Variants in FRMD3 observed in about 807,000 individuals in gnomAD.
FRMD3 encodes the protein FERM domain containing 3.
Under a neutral mutation model 70.2 loss-of-function variants are expected in FRMD3, and 33 were observed. That is an observed-to-expected ratio of 0.47 (90% confidence interval 0.36 to 0.63). The LOEUF (loss-of-function observed/expected upper bound fraction) is 0.63, where lower values mean the gene tolerates loss of function less well. FRMD3 is among the 20% of genes least tolerant of loss of function. The probability of loss-of-function intolerance (pLI) is 0.00; values close to 1 mark genes in which losing one functional copy is unlikely to be tolerated. For missense variants in FRMD3, 632 were observed against 711.4 expected, an observed-to-expected ratio of 0.89 and a Z score of 1.27; for synonymous variants, 279 against 255.9, an observed-to-expected ratio of 1.09 and a Z score of -0.86.
intron 1 of FRMD3, among the ~76,000 whole-genome samples, chr9:83,411,356 A>G (rs1422290516): frequency 1.3e-5 from 2 of 152,210 alleles, no homozygotes; most frequent in Non-Finnish European, 2.9e-5. Context: ...GTCCTTACTG[A>G]TGTGGAGAGA....
intron 2 of FRMD3, among the ~76,000 whole-genome samples, chr9:83,387,661 C>T (rs1825549798): frequency 6.6e-6 from 1 of 152,222 alleles, no homozygotes. Context: ...AACTCAAACA[C>T]TCACTCTACC....
intron 1 of FRMD3, among the ~76,000 whole-genome samples, chr9:83,525,464 T>C (rs909566605): frequency 3.9e-5 from 6 of 152,178 alleles, no homozygotes; most frequent in African/African-American, 7.2e-5. Flanking sequence ...CCACAAGAGG[T>C]ATCTGAGATA....
At chr9:83,373,038 C>A in intron 2 of FRMD3, 83 bp from the exon 3 acceptor site, 2 of 1,139,636 alleles carry the variant, frequency 1.8e-6, no homozygotes, top group Non-Finnish European at 2.6e-6. Context: ...AAAAGGAATT[C>A]CAAAGTACAG....
At chr9:83,419,803 T>G (rs1055977155) in intron 1 of FRMD3, among the ~76,000 whole-genome samples, 3 of 152,210 alleles carry the variant, frequency 2.0e-5, no homozygotes, top group Non-Finnish European at 2.9e-5. Flanking sequence ...TCAACAACCC[T>G]AACTCTATAC....
At chr9:83,553,500 T>G in the FRMD3 span, among the ~76,000 whole-genome samples, 2 of 152,202 alleles carry the variant, frequency 1.3e-5, no homozygotes, top group African/African-American at 4.8e-5. Context: ...GGGGTGCCTA[T>G]GATTCATAAA....
intron 3 of FRMD3, among the ~76,000 whole-genome samples, chr9:83,362,479 G>A (rs1004790118): frequency 1.3e-5 from 2 of 152,140 alleles, no homozygotes; most frequent in South Asian, 4.1e-4. Context: ...TTATGCAGAG[G>A]CTGGGGGTTC....
chr9:83,483,260 T>C (rs1828610504), intron 1 of FRMD3, among the ~76,000 whole-genome samples: 1 of 152,140 alleles, frequency 6.6e-6, no homozygotes, highest in South Asian at 2.1e-4. Flanking sequence ...GTGAAGGTAT[T>C]TGCTTCCCCT....
intron 1 of FRMD3, among the ~76,000 whole-genome samples, chr9:83,423,536 T>C (rs948483024): frequency 1.3e-4 from 19 of 150,582 alleles, no homozygotes; most frequent in African/African-American, 4.6e-4. Flanking sequence ...CATGTAGCTA[T>C]TTAAATTTTA....
At position 83,538,252 on chromosome 9, in the gene FRMD3, G is replaced by T; in HGVS notation, c.-21C>A. 6.5e-7 allele frequency: 1 copy of T among 1,547,444 alleles called. No individual in the cohort carries two copies. The highest frequency in any genetic ancestry group is 8.7e-7 in the Non-Finnish European group (1 of 1,145,696). On this transcript the variant is annotated 5_prime_UTR_variant, in exon 1 of 14. Transcript: ENST00000304195. This position sits in a 1 kb window ranked among gnomAD's most constrained non-coding sequence, Gnocchi z 4.7. ...AACATGCACCGCGGCCGTGGGGAGCGAGCGGGAGGCTCAGGGCCGGCGCGG... is the reference window on the plus strand; with the variant it reads ...AACATGCACCGCGGCCGTGGGGAGCTAGCGGGAGGCTCAGGGCCGGCGCGG...
intron 13 of FRMD3, among the ~76,000 whole-genome samples, chr9:83,283,551 AT>A (rs1285115987): frequency 7.4e-5 from 4 of 54,100 alleles, no homozygotes; most frequent in African/African-American, 2.5e-4. Context: ...AAAAAAAATA[AT>A]AATAATAATA....
At chr9:83,495,746 G>C (rs1303017795) in intron 1 of FRMD3, among the ~76,000 whole-genome samples, 1 of 152,192 alleles carries the variant, frequency 6.6e-6, no homozygotes, top group African/African-American at 2.4e-5. Context: ...CATGAAAAAG[G>C]ACCAAAACAA....
At chr9:83,382,047 T>C (rs1030303423) in intron 2 of FRMD3, among the ~76,000 whole-genome samples, 23 of 151,420 alleles carry the variant, frequency 1.5e-4, no homozygotes, top group African/African-American at 5.6e-4. Context: ...GAAAATGCCA[T>C]AGGATGTAAA....
chr9:83,508,329 G>T (rs113036079), intron 1 of FRMD3, among the ~76,000 whole-genome samples: 2,088 of 152,294 alleles, frequency 0.014, 59 homozygotes, highest in African/African-American at 0.048. Context: ...TGTTTCTGGA[G>T]CTAGGTGCTG....
intron 3 of FRMD3, among the ~76,000 whole-genome samples, chr9:83,365,020 AC>A (rs1400953809): frequency 2.8e-4 from 43 of 152,268 alleles, no homozygotes; most frequent in Admixed American, 2.5e-3. Context: ...TATCTTAATT[AC>A]TATATGTGTC....
At chr9:83,454,482 C>T (rs373108895) in intron 1 of FRMD3, among the ~76,000 whole-genome samples, 3 of 152,174 alleles carry the variant, frequency 2.0e-5, no homozygotes, top group Non-Finnish European at 2.9e-5. Flanking sequence ...TTGAGTGTGA[C>T]GTATGAAGAC....
upstream of FRMD3, among the ~76,000 whole-genome samples, chr9:83,542,432 AAGAC>A (rs1249952770): frequency 6.6e-6 from 1 of 152,246 alleles, no homozygotes; most frequent in Non-Finnish European, 1.5e-5. Context: ...GGAAAACTAC[AAGAC>A]TCTGGTGAAA....
At chr9:83,326,594 T>A (rs1836027686) in intron 6 of FRMD3, among the ~76,000 whole-genome samples, 1 of 122,696 alleles carries the variant, frequency 8.2e-6, no homozygotes, top group African/African-American at 3.5e-5. Context: ...AGAAACCATT[T>A]AATGATCCAT....
chr9:83,481,917 A>T (rs773485831), intron 1 of FRMD3, among the ~76,000 whole-genome samples: 4 of 151,240 alleles, frequency 2.6e-5, no homozygotes, highest in Non-Finnish European at 4.4e-5. Context: ...CTAGAAAACC[A>T]ACATCCTACC....
intron 6 of FRMD3, among the ~76,000 whole-genome samples, chr9:83,324,618 C>T (rs767134678): frequency 8.5e-5 from 13 of 152,098 alleles, no homozygotes; most frequent in Non-Finnish European, 1.6e-4. Context: ...ATTTATTGAT[C>T]AAGAGGATAA....
Sources: gnomAD v4.1 joint callset for allele counts (sites outside exome capture counted in the v4.1 genomes callset) on GRCh38, gnomAD v4.1.1 for gene constraint, Gnocchi (gnomAD v3.1) non-coding constraint, MANE v1.5 for transcripts, NCBI Gene and HGNC (gene_info 2026-07-23, HGNC 2026-07-21) for gene names.